Variants in HERC2 observed in about 807,000 individuals in gnomAD.
The protein encoded by HERC2 is HECT and RLD domain containing E3 ubiquitin protein ligase 2.
A neutral mutation model predicts 537.7 loss-of-function variants in HERC2; 102 were observed. That is an observed-to-expected ratio of 0.19 (90% confidence interval 0.16 to 0.22). The LOEUF is 0.22. HERC2 is among the 10% of genes least tolerant of loss of function. HERC2 has a pLI of 1.00. For missense variants in HERC2, 4,236 were observed against 6,198.2 expected (o/e 0.68, Z 10.63); for synonymous variants, 2,224 against 2,466.2 (o/e 0.90, Z 2.91).
intron 24 of HERC2, 91 bp from the exon 25 acceptor site, chr15:28,238,308 C>T: frequency 9.8e-7 from 1 of 1,022,520 alleles, no homozygotes; most frequent in Non-Finnish European, 1.5e-6. Context: ...AAGTTAGGCG[C>T]TTAACTCAAA....
intron 31 of HERC2, 48 bp downstream of exon 31, chr15:28,230,319 T>C (rs1186752826): frequency 1.3e-6 from 2 of 1,576,516 alleles, no homozygotes; most frequent in East Asian, 2.2e-5. Context: ...CTGTGCTACA[T>C]GCTATGATTC....
At chr15:28,207,275 C>T (rs1478804725) in intron 44 of HERC2, among the ~76,000 whole-genome samples, 2 of 152,060 alleles carry the variant, frequency 1.3e-5, no homozygotes, top group Non-Finnish European at 2.9e-5. Flanking sequence ...GCTGGGACTA[C>T]AGGCACACGC....
chr15:28,228,318 C>T lies in HERC2; in HGVS notation c.5364G>A (p.Val1788=), dbSNP rs1901455329. ...GCTGCAGGGTGAGCATGCTGAGCATCACCAGGAGGAAGCGGGCTTGCGGGA... is the reference window on the plus strand; with the variant it reads ...GCTGCAGGGTGAGCATGCTGAGCATTACCAGGAGGAAGCGGGCTTGCGGGA... ...GTIPQARFLL[V]MLSMLTLQHG... is the part of the protein sequence containing the mutation. The change falls in exon 35 of 93, where the codon GTG becomes GTA. Residue 1788 remains valine (V), a synonymous_variant. Transcript: ENST00000261609. 2.5e-6 allele frequency: 4 copies of T among 1,612,612 alleles called. No homozygotes were observed.
At chr15:28,158,659 C>A (rs1893264207) in intron 69 of HERC2, among the ~76,000 whole-genome samples, 2 of 151,932 alleles carry the variant, frequency 1.3e-5, no homozygotes, top group African/African-American at 4.8e-5. Context: ...TTCCTGAATA[C>A]AGCACACTGA....
intron 66 of HERC2, among the ~76,000 whole-genome samples, chr15:28,169,040 GGT>G (rs1894436091): frequency 6.6e-6 from 1 of 152,224 alleles, no homozygotes; most frequent in South Asian, 2.1e-4. Flanking sequence ...ACACCTGTCA[GGT>G]CCACATGTGT....
chr15:28,290,004 G>C (rs2076270095), intron 4 of HERC2, among the ~76,000 whole-genome samples: 1 of 152,250 alleles, frequency 6.6e-6, no homozygotes, highest in South Asian at 2.1e-4. Context: ...TCATCTCTCA[G>C]GCGGGGTTCA....
chr15:28,147,526 TACTC>T (rs1490979854), intron 70 of HERC2, among the ~76,000 whole-genome samples: 3 of 151,952 alleles, frequency 2.0e-5, no homozygotes, highest in East Asian at 3.9e-4. Context: ...TAGTCCCAGT[TACTC>T]AGGAGGCTAA....
At chr15:28,294,457 G>A (rs1341853055) in intron 3 of HERC2, among the ~76,000 whole-genome samples, 3 of 149,694 alleles carry the variant, frequency 2.0e-5, no homozygotes, top group Non-Finnish European at 4.4e-5. Context: ...AGAATTTCTC[G>A]TGTGGCCTGA....
chr15:28,273,622 C>A (rs1007460666), intron 7 of HERC2, among the ~76,000 whole-genome samples: 1 of 152,212 alleles, frequency 6.6e-6, no homozygotes, highest in Admixed American at 6.5e-5. Flanking sequence ...CCTTCACCAG[C>A]CGGCTCAGGA....
chr15:28,249,872 G>A (rs938516030), intron 20 of HERC2, among the ~76,000 whole-genome samples: 5 of 150,094 alleles, frequency 3.3e-5, no homozygotes, highest in African/African-American at 1.2e-4. Flanking sequence ...ACCCAGGATG[G>A]TCTCGATTTC....
intron 3 of HERC2, among the ~76,000 whole-genome samples, chr15:28,293,902 A>G (rs2076390650): frequency 6.6e-6 from 1 of 152,258 alleles, no homozygotes; most frequent in African/African-American, 2.4e-5. Context: ...TTACACAGTA[A>G]GCGAAGAGAA....
intron 15 of HERC2, 41 bp from the exon 16 acceptor site, chr15:28,261,011 G>C (rs1470995926): frequency 2.0e-6 from 3 of 1,463,592 alleles, no homozygotes; most frequent in Non-Finnish European, 2.8e-6. Flanking sequence ...TCAAGCCTAT[G>C]ACTTCCGCTG....
At chr15:28,314,322 T>G (rs1259544337) in intron 2 of HERC2, among the ~76,000 whole-genome samples, 2 of 152,022 alleles carry the variant, frequency 1.3e-5, no homozygotes, top group African/African-American at 4.8e-5. Context: ...TGAACTAAAG[T>G]GTTAACACTC....
At chr15:28,189,701 T>G (rs770908846) in intron 55 of HERC2, among the ~76,000 whole-genome samples, 41 of 152,210 alleles carry the variant, frequency 2.7e-4, no homozygotes, top group Non-Finnish European at 4.4e-5. Context: ...GATAAATATT[T>G]GAGGTGATGG....
intron 45 of HERC2, among the ~76,000 whole-genome samples, chr15:28,205,915 A>AATAATT (rs1898395471): frequency 1.3e-5 from 2 of 150,372 alleles, no homozygotes; most frequent in African/African-American, 2.5e-5. Flanking sequence ...CAGAGTCCTG[A>AATAATT]CGAGCCTCTT....
Position 28,132,090 on chromosome 15 carries a change from T to G in HERC2, c.12570+10A>C. 6.3e-7 allele frequency: 1 copy of G among 1,585,586 alleles called. No homozygotes were observed. The highest frequency in any genetic ancestry group is 1.7e-4 in the Middle Eastern group (1 of 5,950). Reference sequence around the variant, plus strand: ...GGGAGAGCACTGGGCAGGGAAAGAATGGGAAATACCTTCATAGGCACTTTA... The same window carrying G: ...GGGAGAGCACTGGGCAGGGAAAGAAGGGGAAATACCTTCATAGGCACTTTA... On this transcript the variant is annotated intron_variant, in intron 81 of 92. Coordinates refer to ENST00000261609, the MANE Select transcript of HERC2 (RefSeq NM_004667.6).
intron 35 of HERC2, among the ~76,000 whole-genome samples, chr15:28,224,166 C>CACACAGAG (rs748053596): frequency 7.7e-4 from 114 of 147,758 alleles, no homozygotes; most frequent in African/African-American, 2.9e-3. Context: ...CACACACACA[C>CACACAGAG]AGAGAGAGAG....
rs981304128 is a variant in HERC2, at chr15:28,177,844, C to T, written c.9164-335G>A. On this transcript the variant is annotated intron_variant, in intron 59 of 92. Transcript: ENST00000261609. This position sits in a 1 kb window ranked among gnomAD's most constrained non-coding sequence, Gnocchi z 5.0. Reference sequence around the variant, plus strand: ...AAAGTAAAAATAATTTGTGATTAGACAAAATGTAAAAATAGTGTCAATTTA... The same window carrying T: ...AAAGTAAAAATAATTTGTGATTAGATAAAATGTAAAAATAGTGTCAATTTA... 6.6e-6 allele frequency among the ~76,000 whole-genome samples: 1 copy of T among 152,118 alleles called. No individual in the cohort carries two copies. Among genetic ancestry groups the T allele is most frequent in the Admixed American group, 6.5e-5 (1 of 15,276 alleles).
intron 20 of HERC2, among the ~76,000 whole-genome samples, chr15:28,250,296 C>T (rs1259173808): frequency 1.3e-5 from 2 of 152,136 alleles, no homozygotes; most frequent in African/African-American, 4.8e-5. Flanking sequence ...TCACACACGG[C>T]AAGGATGCGC....
Sources: allele counts gnomAD v4.1 joint callset (sites outside exome capture counted in the v4.1 genomes callset), GRCh38; gene constraint gnomAD v4.1.1; non-coding constraint Gnocchi (gnomAD v3.1); transcripts MANE v1.5; gene names NCBI Gene and HGNC (gene_info 2026-07-23, HGNC 2026-07-21).